Variants in CLSTN2 observed in about 807,000 individuals in gnomAD.
CLSTN2 encodes calsyntenin-2.
Under a neutral mutation model 101.2 loss-of-function variants are expected in CLSTN2, and 48 were observed. The observed-to-expected ratio is 0.47, with a 90% CI of 0.38 to 0.60. The LOEUF is 0.60. CLSTN2 is among the 20% of genes least tolerant of loss of function. CLSTN2 has a pLI of 0.00. For missense variants in CLSTN2, 1,160 were observed against 1,238.2 expected, an observed-to-expected ratio of 0.94 and a Z score of 0.95; for synonymous variants, 481 against 463.6, an observed-to-expected ratio of 1.04 and a Z score of -0.48.
chr3:140,311,022 G>A (rs2087161926), intron 2 of CLSTN2, among the ~76,000 whole-genome samples: 1 of 152,162 alleles, frequency 6.6e-6, no homozygotes, highest in Admixed American at 6.5e-5. Context: ...GAAGGGTGAA[G>A]CATGGCTAGT....
chr3:140,035,048 C>T (rs1576404388), intron 1 of CLSTN2, among the ~76,000 whole-genome samples: 1 of 152,172 alleles, frequency 6.6e-6, no homozygotes, highest in South Asian at 2.1e-4. Flanking sequence ...TCCCGGGAAC[C>T]TACCTTTACC....
At chr3:140,297,794 C>T (rs1002419387) in intron 2 of CLSTN2, among the ~76,000 whole-genome samples, 1 of 152,196 alleles carries the variant, frequency 6.6e-6, no homozygotes, top group Non-Finnish European at 1.5e-5. Context: ...TTTCCTTAGC[C>T]TATGTGGCTG....
intron 1 of CLSTN2, among the ~76,000 whole-genome samples, chr3:139,957,123 G>T (rs1021188890): frequency 3.3e-5 from 5 of 152,224 alleles, no homozygotes; most frequent in African/African-American, 4.8e-5. Flanking sequence ...CTGGAGTCAG[G>T]ATTGGCAGAG....
chr3:140,558,216 A>T (rs1353990929), intron 11 of CLSTN2, among the ~76,000 whole-genome samples: 1 of 152,192 alleles, frequency 6.6e-6, no homozygotes, highest in Non-Finnish European at 1.5e-5. Context: ...CCACATAGAG[A>T]TATATCGTAT....
At chr3:140,009,688 A>AC in intron 1 of CLSTN2, among the ~76,000 whole-genome samples, 1 of 152,322 alleles carries the variant, frequency 6.6e-6, no homozygotes, top group Non-Finnish European at 1.5e-5. Context: ...GTTGTTATAA[A>AC]TTTTTGTTGT....
intron 2 of CLSTN2, among the ~76,000 whole-genome samples, chr3:140,281,442 A>T (rs1225163530): frequency 6.6e-6 from 1 of 152,150 alleles, no homozygotes; most frequent in African/African-American, 2.4e-5. Context: ...GGGAAAGTGT[A>T]TCCAGATGGC....
chr3:140,261,238 T>G (rs2086651509), intron 2 of CLSTN2, among the ~76,000 whole-genome samples: 1 of 152,182 alleles, frequency 6.6e-6, no homozygotes, highest in Admixed American at 6.5e-5. Flanking sequence ...TTGTCTGTTC[T>G]TCATTTCCTT....
intron 1 of CLSTN2, among the ~76,000 whole-genome samples, chr3:140,110,932 C>T (rs2107794536): frequency 6.6e-6 from 1 of 152,304 alleles, no homozygotes; most frequent in South Asian, 2.1e-4. Context: ...AATCATTGTC[C>T]AGTTTCCAGG....
chr3:140,079,277 A>G (rs541193808), intron 1 of CLSTN2, among the ~76,000 whole-genome samples: 3 of 152,152 alleles, frequency 2.0e-5, no homozygotes, highest in Non-Finnish European at 4.4e-5. Flanking sequence ...GCCAAGAAAG[A>G]GTTGTATGGT....
rs754821509 is a variant in CLSTN2, at chr3:140,505,537, G to GC, written c.1345-26787_1345-26786insC. 3 of 152,116 alleles carry GC rather than the reference G, an allele frequency of 2.0e-5. No homozygotes were observed. The East Asian group carries it at 5.8e-4, about 29-fold the overall frequency. The allele number at this position is 152,116 out of a possible 1,614,324, so 9.4% of individuals were successfully genotyped here. A position where few individuals can be genotyped will look rare whatever the true frequency, so the allele number is the denominator to read the frequency against. ...ACATGCTTTCTCGCCAGCACGTGCT[G>GC]TTTTTTTGTATGTGGAAACACTTAC... On this transcript the variant is annotated intron_variant, in intron 8 of 16. Coordinates refer to ENST00000458420, the MANE Select transcript of CLSTN2 (RefSeq NM_022131.3).
intron 8 of CLSTN2, among the ~76,000 whole-genome samples, chr3:140,473,026 A>G (rs1933889366): frequency 6.6e-6 from 1 of 152,214 alleles, no homozygotes; most frequent in Non-Finnish European, 1.5e-5. Context: ...TCAGACCCAC[A>G]TGGGACATCC....
intron 2 of CLSTN2, among the ~76,000 whole-genome samples, chr3:140,311,287 C>CTTTTTTTTTTTTTTTTTTTTTTTTTT (rs750088450): frequency 1.9e-5 from 1 of 52,064 alleles, no homozygotes; most frequent in African/African-American, 9.4e-5. Context: ...GTTTATTATC[C>CTTTTTTTTTTTTTTTTTTTTTTTTTT]TTTTTTTTTT....
At chr3:140,109,531 T>A (rs2009118171) in intron 1 of CLSTN2, among the ~76,000 whole-genome samples, 1 of 152,096 alleles carries the variant, frequency 6.6e-6, no homozygotes, top group African/African-American at 2.4e-5. Context: ...ATGGATACAG[T>A]GGGGTCATGG....
chr3:140,281,626 G>C (rs967801470), intron 2 of CLSTN2, among the ~76,000 whole-genome samples: 1 of 152,126 alleles, frequency 6.6e-6, no homozygotes, highest in Non-Finnish European at 1.5e-5. Flanking sequence ...AGATTTTATG[G>C]ATTTAAAAAT....
chr3:140,052,551 G>A (rs1030076637), intron 1 of CLSTN2, among the ~76,000 whole-genome samples: 1 of 152,154 alleles, frequency 6.6e-6, no homozygotes, highest in African/African-American at 2.4e-5. Flanking sequence ...AGCCTTGCTG[G>A]ATCATAACCC....
At chr3:140,082,436 A>G (rs946735978) in intron 1 of CLSTN2, among the ~76,000 whole-genome samples, 3 of 152,174 alleles carry the variant, frequency 2.0e-5, no homozygotes, top group African/African-American at 7.2e-5. Flanking sequence ...GGACAGGCCA[A>G]CAAGGTTGGC....
chr3:140,144,488 T>C (rs2009751965), intron 1 of CLSTN2, among the ~76,000 whole-genome samples: 1 of 151,988 alleles, frequency 6.6e-6, no homozygotes, highest in Non-Finnish European at 1.5e-5. Context: ...TGGTGGTGGG[T>C]GCCTATAATC....
At chr3:140,463,598 C>T (rs770960287) in intron 7 of CLSTN2, among the ~76,000 whole-genome samples, 9 of 152,196 alleles carry the variant, frequency 5.9e-5, no homozygotes, top group South Asian at 2.1e-4. Context: ...AGAGCCCAGG[C>T]GAGTCCTGGA....
At chr3:140,277,628 A>T (rs2086806708) in intron 2 of CLSTN2, among the ~76,000 whole-genome samples, 1 of 152,172 alleles carries the variant, frequency 6.6e-6, no homozygotes, top group Non-Finnish European at 1.5e-5. Flanking sequence ...CCAACGATTA[A>T]TTTTTTTAAA....
Sources: allele counts gnomAD v4.1 joint callset (sites outside exome capture counted in the v4.1 genomes callset), GRCh38; gene constraint gnomAD v4.1.1; transcripts MANE v1.5; gene names NCBI Gene and HGNC (gene_info 2026-07-23, HGNC 2026-07-21).